Variants in DYNC2I2 observed in about 807,000 individuals in gnomAD.
DYNC2I2 encodes the protein cytoplasmic dynein 2 intermediate chain 2.
Under a neutral mutation model 52.0 loss-of-function variants are expected in DYNC2I2, and 39 were observed. That is an observed-to-expected ratio of 0.75 (90% confidence interval 0.58 to 0.98). The LOEUF (loss-of-function observed/expected upper bound fraction) is 0.98. Among genes scored for constraint, DYNC2I2 ranks in the 50% least tolerant of loss-of-function variants. The probability of loss-of-function intolerance (pLI) is 0.00; values close to 1 mark genes in which losing one functional copy is unlikely to be tolerated. For synonymous variants in DYNC2I2, 359 were observed against 321.1 expected (o/e 1.12, Z -1.26); for missense variants, 743 against 728.4 (o/e 1.02, Z -0.23).
In DYNC2I2 at chr9:128,635,638, C is replaced by A; in HGVS notation, c.813+20G>T. 1.3e-6 allele frequency: 2 copies of A among 1,582,970 alleles called. No individual in the cohort carries two copies. The highest frequency in any genetic ancestry group is 1.1e-5 in the South Asian group (1 of 87,452). On this transcript the variant is annotated intron_variant, in intron 5 of 8. Transcript: ENST00000372715. ...AGCTCTGCCTCAGGGCCCACCCCGCCCGGCAGCCCCTGCCCTGACCTGGGA... is the reference window on the plus strand; with the variant it reads ...AGCTCTGCCTCAGGGCCCACCCCGCACGGCAGCCCCTGCCCTGACCTGGGA...
At chr9:128,684,448 ACCT>A in the DYNC2I2 span, among the ~76,000 whole-genome samples, 1 of 151,402 alleles carries the variant, frequency 6.6e-6, no homozygotes, top group South Asian at 2.1e-4. Context: ...AATCTCTGCC[ACCT>A]CCTCATCTTG....
At chr9:128,679,710 G>A in the DYNC2I2 span, among the ~76,000 whole-genome samples, 3 of 150,694 alleles carry the variant, frequency 2.0e-5, no homozygotes, top group Admixed American at 1.3e-4. Flanking sequence ...GCAGTGGCGC[G>A]ATCTCAGCTC....
chr9:128,643,441 C>T (rs1445487914), intron 1 of DYNC2I2, among the ~76,000 whole-genome samples: 1 of 151,552 alleles, frequency 6.6e-6, no homozygotes. Context: ...GCAGGAGAAT[C>T]GCTTGAACTT....
upstream of DYNC2I2, chr9:128,656,852 G>T: frequency 1.0e-6 from 1 of 957,138 alleles, no homozygotes; most frequent in Non-Finnish European, 1.4e-6. Flanking sequence ...AGCGCCTCCT[G>T]CAAGACCTGG....
chr9:128,637,020 C>A lies in DYNC2I2; in HGVS notation c.443G>T (p.Cys148Phe), dbSNP rs1860428253. Residue 148 changes from cysteine (C) to phenylalanine (F), a missense_variant, in exon 3 of 9, where the codon TGT (cysteine) becomes TTT (phenylalanine). By Grantham distance (205) the Cys-to-Phe change is radical. Transcript: ENST00000372715. ...TGGCGGGTAGCCCAGGGTATACAGA[C>A]AAGACACCTGCGGAGACGTCCCCAA... ...NWTEQQQMVS[C>F]LYTLGYPPAQ... 4 of 1,612,976 alleles carry A rather than the reference C, an allele frequency of 2.5e-6. No homozygotes were observed. Among genetic ancestry groups the A allele is most frequent in the African/African-American group, 1.3e-5 (1 of 74,938 alleles).
chr9:128,668,802 C>T, the DYNC2I2 span, among the ~76,000 whole-genome samples: 6 of 139,868 alleles, frequency 4.3e-5, no homozygotes, highest in East Asian at 6.2e-4. Flanking sequence ...GAAAACAGAG[C>T]GAGACTCAGT....
Position 128,640,833 on chromosome 9 carries a change from T to G in DYNC2I2, c.293A>C (p.Gln98Pro). 1.2e-6 allele frequency: 2 copies of G among 1,613,976 alleles called. No homozygotes were observed. The highest frequency in any genetic ancestry group is 1.7e-6 in the Non-Finnish European group (2 of 1,179,960). Residue 98 changes from glutamine (Q) to proline (P), a missense_variant, in exon 2 of 9, where the codon CAG becomes CCG. By Grantham distance (76) the Gln-to-Pro change is moderately conservative. Transcript: ENST00000372715. ...QTEAPVPVSV[Q>P]PPSQYDIPRL... ...GGGTATGTCATACTGGGACGGGGGCTGCACGCTGACAGGCACGGGGGCCTC... is the reference window on the plus strand; with the variant it reads ...GGGTATGTCATACTGGGACGGGGGCGGCACGCTGACAGGCACGGGGGCCTC...
chr9:128,649,163 G>A (rs1315409159), intron 1 of DYNC2I2, among the ~76,000 whole-genome samples: 1 of 152,070 alleles, frequency 6.6e-6, no homozygotes, highest in Non-Finnish European at 1.5e-5. Flanking sequence ...TGGTTAAAAC[G>A]GGCCAGAGAT....
intron 2 of DYNC2I2, 119 bp from the exon 3 acceptor site, chr9:128,637,146 C>T (rs1860430932): frequency 1.5e-6 from 1 of 661,820 alleles, no homozygotes; most frequent in African/African-American, 1.8e-5. Context: ...GTCCATCAGC[C>T]AGGCCTAGAG....
At chr9:128,668,013 T>A in the DYNC2I2 span, among the ~76,000 whole-genome samples, 7 of 122,556 alleles carry the variant, frequency 5.7e-5, no homozygotes, top group East Asian at 2.4e-4. Flanking sequence ...CAGGCTGGAG[T>A]GCAGTGGCAC....
chr9:128,652,319 C>T (rs1310004777), intron 1 of DYNC2I2, among the ~76,000 whole-genome samples: 1 of 150,148 alleles, frequency 6.7e-6, no homozygotes, highest in Non-Finnish European at 1.5e-5. Context: ...GTAATCCCAG[C>T]TACTCAGAAG....
At position 128,634,732 on chromosome 9, in the gene DYNC2I2, G is replaced by T. The variant is rs537004785; in HGVS notation, c.1171C>A (p.His391Asn). Residue 391 changes from histidine to asparagine, a missense_variant, in exon 7 of 9, where the codon CAC (histidine) becomes AAC (asparagine). By Grantham distance (68) the His-to-Asn change is moderately conservative. Coordinates refer to ENST00000372715, the MANE Select transcript of DYNC2I2 (RefSeq NM_052844.4). ...RAPAQFTFSP[H>N]GGPIYSVSCS... ...CTCACAGAGTAGATGGGACCGCCGT[G>T]GGGGGAGAAGGTAAACTGTGCTGGG... 25 of 1,595,918 alleles carry T rather than the reference G, an allele frequency of 1.6e-5. No homozygotes were observed. The highest frequency in any genetic ancestry group is 5.3e-5 in the Admixed American group (3 of 56,580).
At chr9:128,665,574 A>T in the DYNC2I2 span, among the ~76,000 whole-genome samples, 1 of 151,760 alleles carries the variant, frequency 6.6e-6, no homozygotes, top group Non-Finnish European at 1.5e-5. Context: ...GATCAAGAAC[A>T]ACCTGACCAA....
At chr9:128,675,006 G>C in the DYNC2I2 span, among the ~76,000 whole-genome samples, 7 of 152,082 alleles carry the variant, frequency 4.6e-5, no homozygotes, top group African/African-American at 1.7e-4. Context: ...TCTCCCGGGG[G>C]TCTCAGAGAC....
chr9:128,636,245 T>G, intron 4 of DYNC2I2, 36 bp downstream of exon 4: 1 of 1,552,734 alleles, frequency 6.4e-7, no homozygotes, highest in Non-Finnish European at 8.7e-7. Flanking sequence ...AGCTGAGTCC[T>G]GAGAGGAGAG....
chr9:128,634,005 G>A, intron 8 of DYNC2I2, 23 bp from the exon 9 acceptor site: 2 of 1,611,612 alleles, frequency 1.2e-6, no homozygotes, highest in Non-Finnish European at 8.5e-7. Flanking sequence ...ACAGATACGT[G>A]GAGTAAGAGA....
intron 2 of DYNC2I2, among the ~76,000 whole-genome samples, chr9:128,638,468 G>A (rs1235636420): frequency 6.6e-6 from 1 of 150,962 alleles, no homozygotes; most frequent in Non-Finnish European, 1.5e-5. Context: ...AGTGAGCCCA[G>A]ATCACGCCAT....
chr9:128,678,941 C>T, the DYNC2I2 span, among the ~76,000 whole-genome samples: 1 of 151,962 alleles, frequency 6.6e-6, no homozygotes, highest in Non-Finnish European at 1.5e-5. Context: ...TGGTGGTGGG[C>T]GCCTGTAGTC....
chr9:128,682,867 G>A, the DYNC2I2 span, among the ~76,000 whole-genome samples: 9 of 148,340 alleles, frequency 6.1e-5, no homozygotes, highest in South Asian at 6.4e-4. Context: ...TAGTAGAGAC[G>A]GGGTTTCACC....
Sources: gnomAD v4.1 joint callset for allele counts (sites outside exome capture counted in the v4.1 genomes callset) on GRCh38, gnomAD v4.1.1 for gene constraint, MANE v1.5 for transcripts, NCBI Gene and HGNC (gene_info 2026-07-23, HGNC 2026-07-21) for gene names.